The following ALDH1A2 variants were observed in gnomAD, a reference collection of about 807,000 sequenced individuals.
ALDH1A2 encodes aldehyde dehydrogenase 1 family member A2.
In ALDH1A2, 27 loss-of-function variants were observed where a neutral mutation model predicts 60.3. The ratio of observed to expected loss-of-function variants is 0.45; its 90% CI spans 0.33 to 0.62. The LOEUF (loss-of-function observed/expected upper bound fraction) is 0.62, where lower values mean the gene tolerates loss of function less well. Ranked by LOEUF, ALDH1A2 falls within the 20% of genes least tolerant of loss-of-function variation. ALDH1A2 has a pLI of 0.02. For synonymous variants in ALDH1A2, 289 were observed against 232.4 expected (o/e 1.24, Z -2.21); for missense variants, 581 against 643.8 (o/e 0.90, Z 1.06).
intron 7 of ALDH1A2, among the ~76,000 whole-genome samples, chr15:57,987,356 A>G (rs1894739122): frequency 6.6e-6 from 1 of 152,356 alleles, no homozygotes; most frequent in South Asian, 2.1e-4. Context: ...ACACAAAAGT[A>G]CATCACAATC....
chr15:58,021,792 G>T (rs143208491), intron 1 of ALDH1A2, among the ~76,000 whole-genome samples: 1 of 152,386 alleles, frequency 6.6e-6, no homozygotes, highest in African/African-American at 2.4e-5. Context: ...AGGCTAAGAA[G>T]CCAGTGAGAC....
At chr15:57,987,599 G>A (rs978798066) in intron 7 of ALDH1A2, among the ~76,000 whole-genome samples, 1 of 152,154 alleles carries the variant, frequency 6.6e-6, no homozygotes. Flanking sequence ...AGTGAAGACA[G>A]GCCGGGTACA....
intron 7 of ALDH1A2, among the ~76,000 whole-genome samples, chr15:57,982,577 A>G (rs1175114284): frequency 6.6e-6 from 1 of 152,212 alleles, no homozygotes; most frequent in Non-Finnish European, 1.5e-5. Context: ...ATGCTGTAAA[A>G]ATCCTAAAGT....
intron 7 of ALDH1A2, among the ~76,000 whole-genome samples, chr15:57,983,979 G>A (rs997594076): frequency 2.0e-5 from 3 of 152,194 alleles, no homozygotes; most frequent in Non-Finnish European, 2.9e-5. Flanking sequence ...AGGAAAAAAC[G>A]GAGTTACAAT....
At chr15:57,998,359 G>C (rs1895137632) in intron 4 of ALDH1A2, among the ~76,000 whole-genome samples, 1 of 151,982 alleles carries the variant, frequency 6.6e-6, no homozygotes, top group Non-Finnish European at 1.5e-5. Context: ...TAAGTCTCAG[G>C]ATACAGAATC....
chr15:58,054,840 T>C (rs1055199207), intron 1 of ALDH1A2, among the ~76,000 whole-genome samples: 31 of 152,064 alleles, frequency 2.0e-4, no homozygotes, highest in African/African-American at 7.3e-4. Flanking sequence ...AACATCGTTC[T>C]TTATCATAAC....
intron 1 of ALDH1A2, among the ~76,000 whole-genome samples, chr15:58,044,554 A>C (rs566415125): frequency 6.6e-6 from 1 of 152,128 alleles, no homozygotes; most frequent in East Asian, 1.9e-4. Flanking sequence ...TATGTTAGGG[A>C]AACTGTTGAT....
chr15:58,052,341 T>C (rs573392477), intron 1 of ALDH1A2, among the ~76,000 whole-genome samples: 1 of 152,088 alleles, frequency 6.6e-6, no homozygotes, highest in Non-Finnish European at 1.5e-5. Flanking sequence ...TTAGTCAGGG[T>C]GGGGTAAAGA....
At chr15:58,017,941 G>T (rs1192390672) in intron 1 of ALDH1A2, among the ~76,000 whole-genome samples, 1 of 152,064 alleles carries the variant, frequency 6.6e-6, no homozygotes, top group Non-Finnish European at 1.5e-5. Context: ...CTTATAAAAT[G>T]ACACTTAAAA....
intron 9 of ALDH1A2, among the ~76,000 whole-genome samples, chr15:57,963,135 C>T (rs1893782768): frequency 6.6e-6 from 1 of 152,130 alleles, no homozygotes. Flanking sequence ...GTTCAGGCTG[C>T]TGGAGAGACT....
intron 1 of ALDH1A2, among the ~76,000 whole-genome samples, chr15:58,043,903 G>A (rs1896577764): frequency 1.3e-5 from 2 of 151,966 alleles, no homozygotes; most frequent in African/African-American, 2.4e-5. Flanking sequence ...TCACAGAGCT[G>A]TACAGGGTCT....
At chr15:58,058,110 T>C in intron 1 of ALDH1A2, 2 of 1,519,684 alleles carry the variant, frequency 1.3e-6, no homozygotes, top group Non-Finnish European at 8.8e-7. Context: ...TTTTCACACC[T>C]AGAGAAATAA....
chr15:57,955,359 C>T, intron 12 of ALDH1A2, 90 bp from the exon 13 acceptor site: 2 of 1,325,030 alleles, frequency 1.5e-6, no homozygotes, highest in Non-Finnish European at 2.2e-6. Flanking sequence ...TGCAGTTTAT[C>T]ACCTGCGAAC....
chr15:58,010,069 T>C (rs1325372124), intron 4 of ALDH1A2, among the ~76,000 whole-genome samples: 1 of 152,146 alleles, frequency 6.6e-6, no homozygotes, highest in Non-Finnish European at 1.5e-5. Context: ...GTTGATTCTG[T>C]CATGTAACCT....
chr15:58,026,819 G>C (rs1254599417), intron 1 of ALDH1A2, among the ~76,000 whole-genome samples: 1 of 152,168 alleles, frequency 6.6e-6, no homozygotes, highest in East Asian at 1.9e-4. Flanking sequence ...TCGGAGGAGG[G>C]GTGTCTGCCA....
intron 4 of ALDH1A2, among the ~76,000 whole-genome samples, chr15:57,997,807 C>T (rs1895115095): frequency 6.6e-6 from 1 of 151,944 alleles, no homozygotes; most frequent in African/African-American, 2.4e-5. Flanking sequence ...CTTGGATAAA[C>T]CGTTCACATA....
intron 12 of ALDH1A2, among the ~76,000 whole-genome samples, chr15:57,955,488 T>TA (rs1893490385): frequency 6.6e-6 from 1 of 152,084 alleles, no homozygotes; most frequent in Non-Finnish European, 1.5e-5. Context: ...TTTAAAACTT[T>TA]AAAGTTTTTT....
At chr15:58,010,978 T>C (rs1177275707) in intron 3 of ALDH1A2, among the ~76,000 whole-genome samples, 200 bp from the exon 4 acceptor site, 1 of 152,210 alleles carries the variant, frequency 6.6e-6, no homozygotes, top group African/African-American at 2.4e-5. Flanking sequence ...ACAATGAGTA[T>C]ATATGTGCAT....
chr15:58,019,587 A>G (rs1292841442), intron 1 of ALDH1A2, among the ~76,000 whole-genome samples: 1 of 152,202 alleles, frequency 6.6e-6, no homozygotes, highest in Non-Finnish European at 1.5e-5. Context: ...CCGAAGGTAA[A>G]AAGAACAGAT....
Sources: allele counts gnomAD v4.1 joint callset (sites outside exome capture counted in the v4.1 genomes callset), GRCh38; gene constraint gnomAD v4.1.1; transcripts MANE v1.5; gene names NCBI Gene and HGNC (gene_info 2026-07-23, HGNC 2026-07-21).